Variants in FYCO1 observed in about 807,000 individuals in gnomAD.
The protein encoded by FYCO1 is FYVE and coiled-coil domain-containing protein 1.
Under a neutral mutation model 165.1 loss-of-function variants are expected in FYCO1, and 122 were observed. The observed-to-expected ratio is 0.74, with a 90% CI of 0.64 to 0.86. The LOEUF (loss-of-function observed/expected upper bound fraction) is 0.86, where lower values mean the gene tolerates loss of function less well. FYCO1 is among the 40% of genes least tolerant of loss of function. The probability of loss-of-function intolerance (pLI) is 0.00; values close to 1 mark genes in which losing one functional copy is unlikely to be tolerated. For missense variants in FYCO1, 1,702 were observed against 1,810.3 expected, an observed-to-expected ratio of 0.94 and a Z score of 1.09; for synonymous variants, 648 against 742.5, an observed-to-expected ratio of 0.87 and a Z score of 2.07.
Position 45,919,029 on chromosome 3 carries a change from C to T in FYCO1, c.*2736G>A, listed in dbSNP as rs1703004013. On this transcript the variant is annotated 3_prime_UTR_variant, in exon 18 of 18. Coordinates refer to ENST00000296137, the MANE Select transcript of FYCO1 (RefSeq NM_024513.4). ...ATCTGGTATCGATATGAAGACGTAA[C>T]TGTTATTCAGAGAGATGAGCCATCA... The T allele has an allele frequency of 6.7e-6, 1 of 149,230 alleles. No homozygotes were observed. The highest frequency in any genetic ancestry group is 1.5e-5 in the Non-Finnish European group (1 of 67,834). 9.2% of individuals were successfully genotyped at this position (149,230 alleles called of 1,614,324 possible).
intron 1 of FYCO1, 99 bp from the exon 2 acceptor site, chr3:45,985,121 T>C: frequency 1.5e-6 from 1 of 660,624 alleles, no homozygotes; most frequent in South Asian, 1.7e-5. Context: ...TCACCCTATC[T>C]GGGTGTATTC....
At chr3:45,941,753 G>A (rs185142041) in intron 14 of FYCO1, among the ~76,000 whole-genome samples, 7 of 152,320 alleles carry the variant, frequency 4.6e-5, no homozygotes, top group African/African-American at 1.7e-4. Context: ...GAGTAGAAAG[G>A]CTTGCTGAGA....
At chr3:45,958,845 C>A (rs796367012) in intron 12 of FYCO1, among the ~76,000 whole-genome samples, 14 of 152,222 alleles carry the variant, frequency 9.2e-5, no homozygotes, top group South Asian at 8.3e-4. Flanking sequence ...GGCAGGGAGA[C>A]AAAGTGTGGC....
intron 13 of FYCO1, among the ~76,000 whole-genome samples, chr3:45,957,904 G>A (rs1365505228): frequency 6.6e-6 from 1 of 152,258 alleles, no homozygotes; most frequent in African/African-American, 2.4e-5. Context: ...GCCCAGGCCT[G>A]TCTGCTAGGG....
chr3:45,977,350 A>AAT (rs57543574), intron 4 of FYCO1, among the ~76,000 whole-genome samples: 52 of 112,654 alleles, frequency 4.6e-4, no homozygotes, highest in Non-Finnish European at 5.5e-4. Context: ...AACTGAATTA[A>AAT]ATATATATAT....
rs868728217 is a variant in FYCO1 at position 45,946,430 on chromosome 3, C to A, written c.3944+8819G>T. ...AAGACAAAGAATGCCATCCTCAGCC[C>A]CAAATATAATTCCTGGGTTCTGACT... On this transcript the variant is annotated intron_variant, in intron 14 of 17. Transcript: ENST00000296137. The A allele has an allele frequency of 2.0e-6, 3 of 1,514,350 alleles. No homozygotes were observed. The Middle Eastern group carries it at 5.3e-4, about 265-fold the overall frequency. 93.8% of individuals were successfully genotyped at this position (1,514,350 alleles called of 1,614,324 possible).
At chr3:45,957,595 TGAA>T (rs1705417469) in intron 13 of FYCO1, among the ~76,000 whole-genome samples, 1 of 152,246 alleles carries the variant, frequency 6.6e-6, no homozygotes, top group East Asian at 1.9e-4. Context: ...GCAAAAGATT[TGAA>T]GAAGATAAAC....
At chr3:45,994,838 G>C (rs1280958294) in intron 1 of FYCO1, among the ~76,000 whole-genome samples, 1 of 152,162 alleles carries the variant, frequency 6.6e-6, no homozygotes, top group Admixed American at 6.5e-5. Context: ...GCTGTGGTAA[G>C]ACAAGCAGAG....
At chr3:45,922,895 T>C (rs1703152415) in intron 17 of FYCO1, among the ~76,000 whole-genome samples, 1 of 152,204 alleles carries the variant, frequency 6.6e-6, no homozygotes, top group South Asian at 2.1e-4. Context: ...CAGGCAGTTC[T>C]CTCTAAAGAG....
chr3:45,925,810 C>G (rs1426908592), intron 16 of FYCO1, among the ~76,000 whole-genome samples: 1 of 152,122 alleles, frequency 6.6e-6, no homozygotes, highest in East Asian at 1.9e-4. Context: ...CCAGGGGAAA[C>G]TTCTTGGAAA....
At chr3:45,957,552 A>C (rs1012911265) in intron 13 of FYCO1, among the ~76,000 whole-genome samples, 8 of 152,264 alleles carry the variant, frequency 5.3e-5, no homozygotes, top group African/African-American at 1.9e-4. Context: ...GAGGACTCTC[A>C]ACATTCAATA....
intron 2 of FYCO1, among the ~76,000 whole-genome samples, chr3:45,983,731 T>C (rs1457176986): frequency 6.6e-6 from 1 of 152,224 alleles, no homozygotes; most frequent in Non-Finnish European, 1.5e-5. Context: ...TCTGCCTCTC[T>C]GTGTAGATTT....
chr3:45,939,824 TG>T (rs1287069570), intron 14 of FYCO1, among the ~76,000 whole-genome samples: 3 of 152,196 alleles, frequency 2.0e-5, no homozygotes, highest in Admixed American at 6.5e-5. Context: ...TAGCCATATG[TG>T]GCTATATAAA....
In FYCO1 at chr3:45,975,222, C is replaced by T; in HGVS notation, c.395+17G>A. The T allele has an allele frequency of 1.3e-6, 2 of 1,549,928 alleles. No individual in the cohort carries two copies. Among genetic ancestry groups the T allele is most frequent in the Non-Finnish European group, 1.8e-6 (2 of 1,121,424 alleles). On this transcript the variant is annotated intron_variant, in intron 5 of 17. Coordinates refer to ENST00000296137, the MANE Select transcript of FYCO1 (RefSeq NM_024513.4). Reference sequence around the variant, plus strand: ...TGCACGGGATGATCCCAAACCCCAGCCCTGTCCTGTATTTACCTGGTCACT... The same window carrying T: ...TGCACGGGATGATCCCAAACCCCAGTCCTGTCCTGTATTTACCTGGTCACT...
chr3:45,968,000 A>G lies in FYCO1; in HGVS notation c.1334T>C (p.Leu445Pro). 6.2e-7 allele frequency: 1 copy of G among 1,614,126 alleles called. No individual in the cohort carries two copies. Among genetic ancestry groups the G allele is most frequent in the Non-Finnish European group, 8.5e-7 (1 of 1,180,010 alleles). ...LQLKEDARAS[L>P]ERLVKEMAPL... ...GGCCATCTCCTTCACCAGGCGCTCC[A>G]GGCTGGCCCGGGCATCCTCTTTCAG... Residue 445 changes from leucine to proline, a missense_variant, in exon 8 of 18, where the codon CTG becomes CCG. Leu to Pro is a moderately conservative substitution (Grantham distance 98, BLOSUM62 -3). Transcript: ENST00000296137.
At chr3:45,930,663 G>A (rs536309205) in intron 16 of FYCO1, among the ~76,000 whole-genome samples, 4 of 152,292 alleles carry the variant, frequency 2.6e-5, no homozygotes, top group African/African-American at 2.4e-5. Flanking sequence ...ACACCTTTCC[G>A]GGTTGAGATG....
At chr3:45,965,426 G>A (rs768469710) in intron 8 of FYCO1, among the ~76,000 whole-genome samples, 1 of 152,188 alleles carries the variant, frequency 6.6e-6, no homozygotes, top group Admixed American at 6.5e-5. Flanking sequence ...GTGGCACTGC[G>A]GTGGAGCTGC....
chr3:45,980,141 G>A (rs1452493079), intron 3 of FYCO1, among the ~76,000 whole-genome samples: 1 of 152,102 alleles, frequency 6.6e-6, no homozygotes, highest in South Asian at 2.1e-4. Flanking sequence ...CTGAGGTCAG[G>A]GGTCCAAGAC....
chr3:45,946,476 G>A lies in FYCO1; in HGVS notation c.3944+8773C>T, dbSNP rs778052160. On this transcript the variant is annotated intron_variant, in intron 14 of 17. Transcript: ENST00000296137. ...TGACTCACAGGTGTTCATCAGAACAGACACCATGGCAGAGCATGATTACCA... is the reference window on the plus strand; with the variant it reads ...TGACTCACAGGTGTTCATCAGAACAAACACCATGGCAGAGCATGATTACCA... 2.5e-6 allele frequency: 4 copies of A among 1,608,882 alleles called. No homozygotes were observed. In the African/African-American group the frequency reaches 5.3e-5, roughly 21 times the overall value.
Sources: gnomAD v4.1 joint callset for allele counts (sites outside exome capture counted in the v4.1 genomes callset) on GRCh38, gnomAD v4.1.1 for gene constraint, MANE v1.5 for transcripts, NCBI Gene and HGNC (gene_info 2026-07-23, HGNC 2026-07-21) for gene names.